The following PRORP variants were observed in gnomAD, a reference collection of about 807,000 sequenced individuals.
PRORP encodes mitochondrial ribonuclease P catalytic subunit.
In PRORP, 51 loss-of-function variants were observed where a neutral mutation model predicts 59.4. The observed-to-expected ratio is 0.86, with a 90% CI of 0.69 to 1.08. The LOEUF (loss-of-function observed/expected upper bound fraction) is 1.08, where lower values mean the gene tolerates loss of function less well. Among genes scored for constraint, PRORP ranks in the 50% least tolerant of loss-of-function variants. The pLI, the probability that PRORP is intolerant of heterozygous loss-of-function variation, is 0.00. For synonymous variants in PRORP, 231 were observed against 245.6 expected (o/e 0.94, Z 0.55); for missense variants, 646 against 690.3 (o/e 0.94, Z 0.72).
intron 5 of PRORP, among the ~76,000 whole-genome samples, chr14:35,182,362 C>T (rs1166232472): frequency 3.3e-5 from 5 of 150,132 alleles, no homozygotes; most frequent in East Asian, 2.0e-4. Context: ...AAAGATGAAC[C>T]GACTGGGCAC....
intron 5 of PRORP, among the ~76,000 whole-genome samples, chr14:35,258,493 A>G (rs1277518322): frequency 6.6e-6 from 1 of 152,178 alleles, no homozygotes; most frequent in African/African-American, 2.4e-5. Flanking sequence ...CAGAAACCCC[A>G]AATCAGAAGA....
Position 35,262,836 on chromosome 14 carries a change from C to T in PRORP, c.1276-3891C>T, listed in dbSNP as rs530865262. The T allele has an allele frequency of 6.0e-5, 89 of 1,476,974 alleles. 1 individual carries two copies. Among genetic ancestry groups the T allele is most frequent in the East Asian group, 3.2e-4 (14 of 44,242 alleles). The allele number at this position is 1,476,974 out of a possible 1,614,324, so 91.5% of individuals were successfully genotyped here. A position where few individuals can be genotyped will look rare whatever the true frequency, so the allele number is the denominator to read the frequency against. On this transcript the variant is annotated intron_variant, in intron 5 of 7. Transcript: ENST00000534898. ...GGGTGAAAAATACATCCTCAGGGTT[C>T]GGATGAGAACAGGTGTTGCTTGTTC...
intron 5 of PRORP, among the ~76,000 whole-genome samples, chr14:35,261,341 G>A (rs1168210572): frequency 6.6e-6 from 1 of 152,130 alleles, no homozygotes; most frequent in Non-Finnish European, 1.5e-5. Context: ...CTTAGTGGGA[G>A]ACATAGGGAG....
chr14:35,246,894 G>A (rs1426367445), intron 5 of PRORP, among the ~76,000 whole-genome samples: 1 of 152,080 alleles, frequency 6.6e-6, no homozygotes, highest in African/African-American at 2.4e-5. Context: ...GGAGAATATA[G>A]TAAGGATTGG....
intron 4 of PRORP, among the ~76,000 whole-genome samples, chr14:35,142,963 A>T (rs1266270231): frequency 7.0e-6 from 1 of 143,032 alleles, no homozygotes; most frequent in Non-Finnish European, 1.6e-5. Context: ...TTACAGGCAT[A>T]AGCCACCATG....
chr14:35,223,428 C>T (rs1448705270), intron 5 of PRORP, among the ~76,000 whole-genome samples: 1 of 151,154 alleles, frequency 6.6e-6, no homozygotes, highest in Non-Finnish European at 1.5e-5. Flanking sequence ...CTTGTATTAA[C>T]CTTCTAAGTG....
chr14:35,188,179 T>C (rs1384862908), intron 5 of PRORP, among the ~76,000 whole-genome samples: 2 of 147,834 alleles, frequency 1.4e-5, no homozygotes, highest in African/African-American at 4.9e-5. Context: ...TTATTATTAT[T>C]GTTGAGTTGT....
intron 5 of PRORP, among the ~76,000 whole-genome samples, chr14:35,250,923 A>G (rs1357217005): frequency 6.6e-6 from 1 of 151,082 alleles, no homozygotes; most frequent in East Asian, 1.9e-4. Context: ...TGTTTGGTTC[A>G]TGATTGAGTT....
chr14:35,148,917 T>A (rs1595189830), intron 4 of PRORP, among the ~76,000 whole-genome samples: 2 of 133,362 alleles, frequency 1.5e-5, no homozygotes, highest in East Asian at 4.2e-4. Context: ...TTTAATTTTT[T>A]TTTTTTTTTT....
In PRORP at chr14:35,181,033, C is replaced by T. The variant is rs77267130; in HGVS notation, c.1275+256C>T. Among the ~76,000 whole-genome samples the T allele has an allele frequency of 3.9e-3, 593 of 152,212 alleles. 6 individuals carry two copies. The highest frequency in any genetic ancestry group is 0.013 in the African/African-American group (552 of 41,536). Reference sequence around the variant, plus strand: ...ATTGCAATACAGGGCCAGATTTTCCCGTTTCGTGTAACCTTTAGCTAACCT... The same window carrying T: ...ATTGCAATACAGGGCCAGATTTTCCTGTTTCGTGTAACCTTTAGCTAACCT... On this transcript the variant is annotated intron_variant, in intron 5 of 7. Coordinates refer to ENST00000534898, the MANE Select transcript of PRORP (RefSeq NM_014672.4).
At chr14:35,212,094 C>T (rs1566500354) in intron 5 of PRORP, among the ~76,000 whole-genome samples, 1 of 152,232 alleles carries the variant, frequency 6.6e-6, no homozygotes, top group Non-Finnish European at 1.5e-5. Flanking sequence ...CCATAACAAG[C>T]AACTCCTCAT....
At chr14:35,166,636 A>G (rs2048192230) in intron 4 of PRORP, among the ~76,000 whole-genome samples, 2 of 152,028 alleles carry the variant, frequency 1.3e-5, no homozygotes, top group Admixed American at 1.3e-4. Flanking sequence ...TATTTTTAGT[A>G]GAGACAGGGT....
At chr14:35,247,507 G>A (rs2050514434) in intron 5 of PRORP, among the ~76,000 whole-genome samples, 1 of 152,118 alleles carries the variant, frequency 6.6e-6, no homozygotes, top group Non-Finnish European at 1.5e-5. Flanking sequence ...GCCATGGCCA[G>A]GCTACACAAG....
At chr14:35,270,676 A>G in intron 7 of PRORP, 80 bp downstream of exon 7, 2 of 1,289,656 alleles carry the variant, frequency 1.6e-6, no homozygotes, top group East Asian at 2.3e-5. Flanking sequence ...GAGTGTCACA[A>G]CTAATTGAAG....
At chr14:35,130,701 T>G (rs1290866967) in intron 4 of PRORP, among the ~76,000 whole-genome samples, 5 of 151,412 alleles carry the variant, frequency 3.3e-5, no homozygotes, top group Non-Finnish European at 7.4e-5. Context: ...CCAGGCTGGT[T>G]TCGAACTCCC....
rs985786441 is a variant in PRORP, at chr14:35,143,725, G to A, written c.1167+16114G>A. 1.8e-4 allele frequency among the ~76,000 whole-genome samples: 26 copies of A among 144,678 alleles called. 2 individuals are homozygous for A. Among genetic ancestry groups the A allele is most frequent in the Admixed American group, 1.4e-3 (20 of 13,898 alleles). The allele number at this position is 144,678 out of a possible 152,430, so 94.9% of individuals were successfully genotyped here. A position where few individuals can be genotyped will look rare whatever the true frequency, so the allele number is the denominator to read the frequency against. On this transcript the variant is annotated intron_variant, in intron 4 of 7. Transcript: ENST00000534898. ...TGCAATGGCGCGATCTCGGCTCACC[G>A]CAACCTCCGCCTCCGAGGTTCAAGC...
chr14:35,248,231 A>G (rs891761062), intron 5 of PRORP, among the ~76,000 whole-genome samples: 4 of 152,194 alleles, frequency 2.6e-5, no homozygotes, highest in African/African-American at 9.7e-5. Context: ...TATTTTGTAT[A>G]TATCCATATA....
At chr14:35,228,427 T>G (rs934597739) in intron 5 of PRORP, among the ~76,000 whole-genome samples, 1 of 152,170 alleles carries the variant, frequency 6.6e-6, no homozygotes, top group African/African-American at 2.4e-5. Context: ...TAGTACCCAA[T>G]AGTTAGTGTT....
chr14:35,220,171 C>T (rs886467440), intron 5 of PRORP, among the ~76,000 whole-genome samples: 1 of 152,198 alleles, frequency 6.6e-6, no homozygotes, highest in African/African-American at 2.4e-5. Flanking sequence ...ACCCTTCAAC[C>T]CATTATACCA....
Sources: gnomAD v4.1 joint callset for allele counts (sites outside exome capture counted in the v4.1 genomes callset) on GRCh38, gnomAD v4.1.1 for gene constraint, MANE v1.5 for transcripts, NCBI Gene and HGNC (gene_info 2026-07-23, HGNC 2026-07-21) for gene names.